Variants in MKLN1 observed in about 807,000 individuals in gnomAD.
The protein encoded by MKLN1 is muskelin.
MKLN1 carries 18 observed loss-of-function variants against 99.0 expected under a neutral mutation model. The observed-to-expected ratio is 0.18, with a 90% CI of 0.13 to 0.27. The LOEUF (loss-of-function observed/expected upper bound fraction) is 0.27. MKLN1 is among the 10% of genes least tolerant of loss of function. MKLN1 has a pLI of 1.00. For missense variants in MKLN1, 621 were observed against 875.9 expected, an observed-to-expected ratio of 0.71 and a Z score of 3.67; for synonymous variants, 288 against 293.2, an observed-to-expected ratio of 0.98 and a Z score of 0.18.
At chr7:131,313,839 T>C (rs564298095) in intron 3 of MKLN1, among the ~76,000 whole-genome samples, 5 of 152,348 alleles carry the variant, frequency 3.3e-5, no homozygotes, top group African/African-American at 9.6e-5. Flanking sequence ...AGCCTAATAA[T>C]TTAAATATGT....
chr7:131,242,594 G>T, intron 3 of MKLN1: 1 of 484,428 alleles, frequency 2.1e-6, no homozygotes, highest in South Asian at 1.9e-5. Flanking sequence ...CTGCTGAAAT[G>T]GGCAAGTTCA....
chr7:131,406,081 G>A (rs2116293630), intron 6 of MKLN1, among the ~76,000 whole-genome samples: 1 of 151,996 alleles, frequency 6.6e-6, no homozygotes, highest in Admixed American at 6.5e-5. Flanking sequence ...ACATTTTGAT[G>A]CCATGTTTTT....
chr7:131,395,703 T>G lies in MKLN1; in HGVS notation c.401-1564T>G, dbSNP rs562894035. On this transcript the variant is annotated intron_variant, in intron 4 of 17. Transcript: ENST00000352689. ...TTTGAAAAATAGTTGTTTTGAAAAA[T>G]AACTAGTGTTGTTATTAAAAAAAAA... Among the ~76,000 whole-genome samples, 26 of 151,638 alleles carry G rather than the reference T, an allele frequency of 1.7e-4. 1 individual carries two copies. The highest frequency in any genetic ancestry group is 6.3e-4 in the African/African-American group (26 of 41,236).
chr7:131,311,659 A>G (rs1798566018), intron 3 of MKLN1, among the ~76,000 whole-genome samples: 1 of 152,200 alleles, frequency 6.6e-6, no homozygotes, highest in African/African-American at 2.4e-5. Flanking sequence ...ATTTGACCAA[A>G]TAGGATCATA....
intron 8 of MKLN1, among the ~76,000 whole-genome samples, chr7:131,418,326 G>A (rs371498226): frequency 7.1e-6 from 1 of 141,186 alleles, no homozygotes; most frequent in African/African-American, 2.7e-5. Flanking sequence ...GCGAGATTGC[G>A]CCATCGCACT....
intron 3 of MKLN1, among the ~76,000 whole-genome samples, chr7:131,286,104 T>C (rs1008301333): frequency 2.0e-5 from 3 of 152,048 alleles, no homozygotes; most frequent in African/African-American, 7.2e-5. Context: ...GCATGCGTTA[T>C]CACGCCGGAC....
At chr7:131,301,409 T>C (rs768195512) in intron 3 of MKLN1, among the ~76,000 whole-genome samples, 10 of 152,194 alleles carry the variant, frequency 6.6e-5, no homozygotes, top group African/African-American at 1.9e-4. Flanking sequence ...AGAGATCCTC[T>C]TGAGGCTTAT....
At chr7:131,405,031 C>T (rs1794658867) in intron 6 of MKLN1, among the ~76,000 whole-genome samples, 1 of 152,122 alleles carries the variant, frequency 6.6e-6, no homozygotes, top group South Asian at 2.1e-4. Context: ...TTTCTTTAAA[C>T]ATCATAGGAC....
chr7:131,272,587 G>A (rs1347455751), intron 3 of MKLN1, among the ~76,000 whole-genome samples: 1 of 152,164 alleles, frequency 6.6e-6, no homozygotes, highest in Admixed American at 6.5e-5. Flanking sequence ...CAGTGTATTA[G>A]TCCATTTTTA....
chr7:131,144,950 C>G (rs938947712), intron 2 of MKLN1, among the ~76,000 whole-genome samples: 4 of 152,166 alleles, frequency 2.6e-5, no homozygotes, highest in African/African-American at 9.7e-5. Context: ...GCACTCCAGC[C>G]TGGGCAACAG....
chr7:131,300,942 G>A (rs188090067), intron 3 of MKLN1, among the ~76,000 whole-genome samples: 7 of 152,260 alleles, frequency 4.6e-5, no homozygotes, highest in East Asian at 3.9e-4. Flanking sequence ...CTGGCTTTTC[G>A]GGAGAAATTC....
chr7:131,436,952 C>T (rs1420036440), intron 9 of MKLN1, among the ~76,000 whole-genome samples: 2 of 152,086 alleles, frequency 1.3e-5, no homozygotes, highest in South Asian at 4.1e-4. Flanking sequence ...AAGTGATAGA[C>T]TTGGATTCTT....
intron 15 of MKLN1, 35 bp downstream of exon 15, chr7:131,466,450 CATT>C (rs757624222): frequency 2.5e-5 from 37 of 1,457,504 alleles, no homozygotes; most frequent in Non-Finnish European, 3.1e-5. Flanking sequence ...ATTTAATTAA[CATT>C]ATCAGCTATA....
At chr7:131,399,526 T>A in intron 6 of MKLN1, 93 bp downstream of exon 6, 4 of 1,094,992 alleles carry the variant, frequency 3.7e-6, no homozygotes, top group South Asian at 1.6e-5. Flanking sequence ...GTTATTACTG[T>A]AATTTTTTTT....
intron 1 of MKLN1, among the ~76,000 whole-genome samples, chr7:131,138,292 A>G (rs117806325): frequency 0.034 from 5,186 of 152,314 alleles, 134 homozygotes; most frequent in Non-Finnish European, 0.053. Context: ...TTCTTTTAAA[A>G]TTGGAGCACA....
intron 2 of MKLN1, among the ~76,000 whole-genome samples, chr7:131,146,858 C>A (rs1242531851): frequency 6.6e-6 from 1 of 152,084 alleles, no homozygotes; most frequent in East Asian, 1.9e-4. Context: ...GTGAAGGATG[C>A]AGAGGTGAAT....
At chr7:131,415,833 A>G (rs1240344045) in intron 8 of MKLN1, among the ~76,000 whole-genome samples, 1 of 152,190 alleles carries the variant, frequency 6.6e-6, no homozygotes, top group African/African-American at 2.4e-5. Context: ...TATAGACATG[A>G]AAATTTGTTT....
In MKLN1 at chr7:131,173,590, A is replaced by G. The variant is rs117495561; in HGVS notation, c.-296-29267A>G. ...AAAAATTAGCCTGGCGTGGTCATGC[A>G]TGCCTGCAATTCCAGCTACTCAGGA... On this transcript the variant is annotated intron_variant, in intron 2 of 7. Coordinates refer to the MKLN1 transcript ENST00000416992. 8.6e-3 allele frequency among the ~76,000 whole-genome samples: 1,313 copies of G among 152,250 alleles called. 84 individuals carry two copies. In the East Asian group the frequency reaches 0.16, roughly 18 times the overall value.
exon 2 of MKLN1, chr7:131,142,909 C>T: frequency 7.7e-7 from 1 of 1,305,082 alleles, no homozygotes; most frequent in Non-Finnish European, 1.0e-6. Flanking sequence ...TCATAACCTG[C>T]TCCATGCTTG....
Sources: gnomAD v4.1 joint callset for allele counts (sites outside exome capture counted in the v4.1 genomes callset) on GRCh38, gnomAD v4.1.1 for gene constraint, MANE v1.5 for transcripts, NCBI Gene and HGNC (gene_info 2026-07-23, HGNC 2026-07-21) for gene names.